Variants in TIPARP observed in about 807,000 individuals in gnomAD.
The protein encoded by TIPARP is protein mono-ADP-ribosyltransferase TIPARP.
Under a neutral mutation model 56.5 loss-of-function variants are expected in TIPARP, and 12 were observed. That is an observed-to-expected ratio of 0.21 (90% CI 0.14 to 0.34). The LOEUF is 0.34. Ranked by LOEUF, TIPARP falls within the 10% of genes least tolerant of loss-of-function variation. TIPARP has a pLI of 1.00. For missense variants in TIPARP, 604 were observed against 781.6 expected, an observed-to-expected ratio of 0.77 and a Z score of 2.71; for synonymous variants, 296 against 265.7, an observed-to-expected ratio of 1.11 and a Z score of -1.11.
chr3:156,702,619 G>A (rs906398416), intron 4 of TIPARP, among the ~76,000 whole-genome samples: 4 of 152,120 alleles, frequency 2.6e-5, no homozygotes, highest in Non-Finnish European at 5.9e-5. Context: ...GGATTTCCTT[G>A]CTCTCTTCCA....
At chr3:156,676,227 T>TC (rs1289840843) in intron 1 of TIPARP, among the ~76,000 whole-genome samples, 1 of 152,186 alleles carries the variant, frequency 6.6e-6, no homozygotes, top group Non-Finnish European at 1.5e-5. Flanking sequence ...TCATGTCAGA[T>TC]CCCTCCTTCT....
chr3:156,705,161 A>G lies in TIPARP; in HGVS notation c.*30A>G, dbSNP rs562371398. On this transcript the variant is annotated 3_prime_UTR_variant, in exon 6 of 6. Transcript: ENST00000295924. ...TCTTGGTACTGCTAAATTATTTGATATGAACTCAATCCAGCATTTGTAGCA... is the reference window on the plus strand; with the variant it reads ...TCTTGGTACTGCTAAATTATTTGATGTGAACTCAATCCAGCATTTGTAGCA... The G allele has an allele frequency of 5.3e-6, 6 of 1,131,076 alleles. No individual in the cohort carries two copies. The highest frequency in any genetic ancestry group is 4.6e-5 in the Admixed American group (2 of 43,142). 70.1% of individuals were successfully genotyped at this position (1,131,076 alleles called of 1,614,324 possible).
chr3:156,694,186 G>C lies in TIPARP; in HGVS notation c.1084G>C (p.Glu362Gln). Residue 362 changes from glutamate to glutamine, a missense_variant and splice_region_variant, in exon 3 of 6, where the codon GAG (glutamate) becomes CAG (glutamine). Coordinates refer to ENST00000295924, the MANE Select transcript of TIPARP (RefSeq NM_015508.5). ...CCACTTTGGATGGAGAGAGTATCCC[G>C]AGGTATTTACAGATTCTTTGTTGAC... is the stretch of plus-strand genomic sequence containing the variant. ...RDHFGWREYP[E>Q]SVIRLIEEAN... The C allele has an allele frequency of 6.3e-7, 1 of 1,590,010 alleles. No individual in the cohort carries two copies. Among genetic ancestry groups the C allele is most frequent in the Non-Finnish European group, 8.5e-7 (1 of 1,172,272 alleles).
intron 4 of TIPARP, among the ~76,000 whole-genome samples, chr3:156,698,510 T>C (rs1722773324): frequency 6.6e-6 from 1 of 152,236 alleles, no homozygotes; most frequent in Non-Finnish European, 1.5e-5. Context: ...ACTCTGCCTG[T>C]GCTCTATAAA....
intron 2 of TIPARP, among the ~76,000 whole-genome samples, chr3:156,688,076 T>A (rs1382160737): frequency 6.6e-6 from 1 of 152,128 alleles, no homozygotes; most frequent in African/African-American, 2.4e-5. Flanking sequence ...TGTCATAGTG[T>A]GGTAATTAAG....
In TIPARP at chr3:156,694,003, T is replaced by G; in HGVS notation, c.918-17T>G. 1.3e-6 allele frequency: 2 copies of G among 1,569,910 alleles called. No homozygotes were observed. The highest frequency in any genetic ancestry group is 1.7e-6 in the Non-Finnish European group (2 of 1,165,084). On this transcript the variant is annotated splice_polypyrimidine_tract_variant and intron_variant, in intron 2 of 5. Transcript: ENST00000295924. ...TTAACAGGTTTTTGGGTTTTTTTTGTTTTTGTTTTTTTTTAGAGGACAAGA... is the reference window on the plus strand; with the variant it reads ...TTAACAGGTTTTTGGGTTTTTTTTGGTTTTGTTTTTTTTTAGAGGACAAGA...
intron 4 of TIPARP, among the ~76,000 whole-genome samples, chr3:156,696,839 T>C (rs1242986876): frequency 6.6e-6 from 1 of 152,262 alleles, no homozygotes. Context: ...TTATGAACTT[T>C]AGAAGTCTAG....
intron 2 of TIPARP, among the ~76,000 whole-genome samples, chr3:156,686,399 C>T (rs1346925663): frequency 6.6e-6 from 1 of 152,164 alleles, no homozygotes; most frequent in Non-Finnish European, 1.5e-5. Flanking sequence ...AATAAAAAGA[C>T]TCTCTGTCTT....
intron 2 of TIPARP, among the ~76,000 whole-genome samples, chr3:156,687,257 G>A (rs938535586): frequency 6.6e-6 from 1 of 152,100 alleles, no homozygotes; most frequent in Non-Finnish European, 1.5e-5. Flanking sequence ...AAAAGTTAAG[G>A]CTGTATGACA....
At chr3:156,692,610 CT>C (rs990434864) in intron 2 of TIPARP, among the ~76,000 whole-genome samples, 59 of 152,080 alleles carry the variant, frequency 3.9e-4, no homozygotes, top group African/African-American at 1.3e-3. Flanking sequence ...GAGTATACTG[CT>C]TTTTTGTAAG....
At chr3:156,686,166 T>C (rs1722422897) in intron 2 of TIPARP, among the ~76,000 whole-genome samples, 1 of 152,226 alleles carries the variant, frequency 6.6e-6, no homozygotes, top group South Asian at 2.1e-4. Context: ...TTTGCTTGCT[T>C]GCTTTCTGAC....
intron 2 of TIPARP, among the ~76,000 whole-genome samples, chr3:156,693,154 CAT>C (rs1314296663): frequency 1.3e-5 from 2 of 152,016 alleles, no homozygotes; most frequent in African/African-American, 2.4e-5. Flanking sequence ...AACTTTCAAA[CAT>C]ACACAAAAAA....
chr3:156,699,521 A>C (rs996795297), intron 4 of TIPARP, among the ~76,000 whole-genome samples: 4 of 152,238 alleles, frequency 2.6e-5, no homozygotes, highest in Non-Finnish European at 5.9e-5. Flanking sequence ...TTTTAAATTA[A>C]GGTATAAATA....
chr3:156,677,194 A>G (rs1722151659), intron 1 of TIPARP, among the ~76,000 whole-genome samples: 1 of 152,178 alleles, frequency 6.6e-6, no homozygotes, highest in Non-Finnish European at 1.5e-5. Context: ...TTTATCTTTC[A>G]TTTGATGAAC....
At chr3:156,685,425 C>T (rs1315639800) in intron 2 of TIPARP, among the ~76,000 whole-genome samples, 20 of 152,204 alleles carry the variant, frequency 1.3e-4, no homozygotes, top group Admixed American at 1.0e-3. Context: ...TCTACAGAAA[C>T]CAGTGACTTT....
At chr3:156,681,188 A>G (rs1290981420) in intron 2 of TIPARP, 1 of 456,672 alleles carries the variant, frequency 2.2e-6, no homozygotes, top group Non-Finnish European at 4.4e-6. Flanking sequence ...GGAGCAGCCC[A>G]GGTTCACATG....
chr3:156,686,587 C>A (rs1225085202), intron 2 of TIPARP, among the ~76,000 whole-genome samples: 3 of 152,120 alleles, frequency 2.0e-5, no homozygotes, highest in Non-Finnish European at 4.4e-5. Context: ...ATTTCTGATT[C>A]TTTCATTGAT....
intron 2 of TIPARP, among the ~76,000 whole-genome samples, chr3:156,690,577 A>G (rs1722547596): frequency 1.3e-5 from 2 of 152,192 alleles, no homozygotes; most frequent in Non-Finnish European, 1.5e-5. Flanking sequence ...TGAGATGTGG[A>G]AAAACAGAAT....
intron 2 of TIPARP, among the ~76,000 whole-genome samples, chr3:156,684,449 G>C (rs1722379583): frequency 1.3e-5 from 2 of 152,130 alleles, no homozygotes; most frequent in African/African-American, 4.8e-5. Context: ...AGATGTGAAG[G>C]AATTCCTTTT....
Sources: gnomAD v4.1 joint callset for allele counts (sites outside exome capture counted in the v4.1 genomes callset) on GRCh38, gnomAD v4.1.1 for gene constraint, MANE v1.5 for transcripts, NCBI Gene and HGNC (gene_info 2026-07-23, HGNC 2026-07-21) for gene names.